The following PMS1 variants were observed in gnomAD, a reference collection of about 807,000 sequenced individuals.
PMS1 encodes PMS1 protein homolog 1.
PMS1 carries 79 observed loss-of-function variants against 93.1 expected under a neutral mutation model. The observed-to-expected ratio is 0.85, with a 90% CI of 0.71 to 1.02. The LOEUF is 1.02. Among genes scored for constraint, PMS1 ranks in the 50% least tolerant of loss-of-function variants. PMS1 has a pLI of 0.00. For synonymous variants in PMS1, 335 were observed against 363.4 expected (o/e 0.92, Z 0.89); for missense variants, 1,064 against 1,085.3 (o/e 0.98, Z 0.28).
intron 1 of PMS1, among the ~76,000 whole-genome samples, chr2:189,786,079 C>T (rs948751944): frequency 1.3e-5 from 2 of 151,952 alleles, no homozygotes; most frequent in African/African-American, 4.8e-5. Flanking sequence ...GAGCCAAAAT[C>T]GCTGCACTCT....
intron 5 of PMS1, among the ~76,000 whole-genome samples, chr2:189,833,313 G>C (rs138725421): frequency 2.6e-4 from 39 of 152,256 alleles, no homozygotes; most frequent in African/African-American, 8.9e-4. Context: ...TTTATGGCCG[G>C]GTGCAGTGGC....
In PMS1 at chr2:189,852,761, A is replaced by G; in HGVS notation, c.806A>G (p.Gln269Arg). 6.3e-7 allele frequency: 1 copy of G among 1,588,220 alleles called. No homozygotes were observed. Among genetic ancestry groups the G allele is most frequent in the Non-Finnish European group, 8.6e-7 (1 of 1,156,722 alleles). Reference sequence around the variant, plus strand: ...TTCATAAACAGTCGACCAGTACATCAAAAAGATATCTTAAAGGTAGTATGC... The same window carrying G: ...TTCATAAACAGTCGACCAGTACATCGAAAAGATATCTTAAAGGTAGTATGC... ...FIFINSRPVH[Q>R]KDILKLIRHH... is the part of the protein sequence containing the mutation. The change falls in exon 7 of 13, where the codon CAA (glutamine) becomes CGA (arginine). Residue 269 changes from glutamine (Q) to arginine (R), a missense_variant. By Grantham distance (43) the Gln-to-Arg change is conservative. Coordinates refer to ENST00000441310, the MANE Select transcript of PMS1 (RefSeq NM_000534.5).
chr2:189,806,451 G>A (rs2050353542), intron 4 of PMS1: 2 of 311,824 alleles, frequency 6.4e-6, no homozygotes, highest in South Asian at 3.2e-5. Flanking sequence ...AGGCTGGACT[G>A]CAGTGGCATC....
At chr2:189,837,188 A>AG (rs1167838437) in intron 5 of PMS1, among the ~76,000 whole-genome samples, 3 of 146,072 alleles carry the variant, frequency 2.1e-5, no homozygotes, top group Non-Finnish European at 4.5e-5. Flanking sequence ...CTTTTTAGGG[A>AG]GGGGGTCTTG....
rs1324921247 is a variant in PMS1 at position 189,852,732 on chromosome 2, C to T, written c.777C>T (p.Phe259=). 3 of 1,592,764 alleles carry T rather than the reference C, an allele frequency of 1.9e-6. No homozygotes were observed. In the African/African-American group the frequency reaches 4.0e-5, roughly 21 times the overall value. Reference sequence around the variant, plus strand: ...GTCTTTCAACACCAGAAAGAAGTTTCATCTTCATAAACAGTCGACCAGTAC... The same window carrying T: ...GTCTTTCAACACCAGAAAGAAGTTTTATCTTCATAAACAGTCGACCAGTAC... ...FTSLSTPERS[F]IFINSRPVHQ... is the part of the protein sequence containing the mutation. Residue 259 remains phenylalanine, a synonymous_variant, in exon 7 of 13, where the codon TTC becomes TTT. Transcript: ENST00000441310.
intron 3 of PMS1, among the ~76,000 whole-genome samples, chr2:189,799,600 A>C (rs1179527848): frequency 6.6e-6 from 1 of 152,222 alleles, no homozygotes; most frequent in Non-Finnish European, 1.5e-5. Flanking sequence ...GTACCTGAAA[A>C]CTAAAGGAAA....
At position 189,854,229 on chromosome 2, in the gene PMS1, G is replaced by A; in HGVS notation, c.967-10G>A. 2 of 1,570,734 alleles carry A rather than the reference G, an allele frequency of 1.3e-6. No homozygotes were observed. The highest frequency in any genetic ancestry group is 1.7e-6 in the Non-Finnish European group (2 of 1,154,436). ...AATTTCCCCTAACATTTGTTAATTT[G>A]TATTTTTAGGAATCTGTTTTAATTG... On this transcript the variant is annotated splice_polypyrimidine_tract_variant and intron_variant, in intron 8 of 12. Transcript: ENST00000441310.
chr2:189,827,501 A>G (rs73042330), intron 5 of PMS1, among the ~76,000 whole-genome samples: 7,156 of 152,324 alleles, frequency 0.047, 271 homozygotes, highest in African/African-American at 0.099. Flanking sequence ...GAGTTCATAT[A>G]TGAAATCATA....
At chr2:189,831,520 A>G (rs945819094) in intron 5 of PMS1, among the ~76,000 whole-genome samples, 5 of 152,228 alleles carry the variant, frequency 3.3e-5, no homozygotes, top group African/African-American at 9.6e-5. Flanking sequence ...AAAGGTTTGA[A>G]GATAACTGAT....
At chr2:189,855,444 T>C (rs2055212637) in intron 9 of PMS1, among the ~76,000 whole-genome samples, 1 of 151,956 alleles carries the variant, frequency 6.6e-6, no homozygotes, top group Non-Finnish European at 1.5e-5. Context: ...TTCTATTTTT[T>C]TTTTGTTTTA....
chr2:189,799,426 G>T (rs2049675825), intron 3 of PMS1, among the ~76,000 whole-genome samples: 1 of 152,066 alleles, frequency 6.6e-6, no homozygotes, highest in Non-Finnish European at 1.5e-5. Flanking sequence ...AACCCCAGAA[G>T]GTTCCCTCAT....
chr2:189,823,330 T>A (rs558385524), intron 5 of PMS1, among the ~76,000 whole-genome samples: 57 of 152,166 alleles, frequency 3.7e-4, no homozygotes, highest in Non-Finnish European at 5.6e-4. Context: ...TGTGCAAGTT[T>A]GTTACATATG....
intron 4 of PMS1, among the ~76,000 whole-genome samples, chr2:189,813,087 A>G (rs554056577): frequency 6.6e-6 from 1 of 152,346 alleles, no homozygotes; most frequent in African/African-American, 2.4e-5. Flanking sequence ...TTCAACTACT[A>G]GGGTTTGAGG....
At chr2:189,818,217 A>G (rs200431125) in intron 5 of PMS1, 37 bp downstream of exon 5, 28 of 1,327,068 alleles carry the variant, frequency 2.1e-5, no homozygotes, top group South Asian at 1.8e-4. Flanking sequence ...TTCTGGGTAT[A>G]TGATATAATA....
rs372649057 is a variant in PMS1 at position 189,867,943 on chromosome 2, G to T, written c.2473+14G>T. On this transcript the variant is annotated intron_variant, in intron 11 of 12. Coordinates refer to ENST00000441310, the MANE Select transcript of PMS1 (RefSeq NM_000534.5). ...AATTGATACCAGGTATGATAGTGTG[G>T]TTTAATATTTTCTGATGTGGAAAAA... 1 of 1,602,924 alleles carries T rather than the reference G, an allele frequency of 6.2e-7. No individual in the cohort carries two copies.
In PMS1 at chr2:189,877,525, G is replaced by C. The variant is rs1372198667; in HGVS notation, c.*89G>C. 3 of 824,164 alleles carry C rather than the reference G, an allele frequency of 3.6e-6. No homozygotes were observed. The highest frequency in any genetic ancestry group is 2.4e-5 in the Admixed American group (1 of 41,668). The allele number at this position is 824,164 out of a possible 1,614,324, so 51.1% of individuals were successfully genotyped here. On this transcript the variant is annotated 3_prime_UTR_variant, in exon 13 of 13. Transcript: ENST00000441310. The stretch of plus-strand genomic sequence containing the variant: ...TGGTTTTAAATTATCTTTGTATTAT[G>C]TGTCACATGGTTATTTTTTAAATGA...
chr2:189,826,626 GTC>G (rs1420546665), intron 5 of PMS1, among the ~76,000 whole-genome samples: 8 of 152,228 alleles, frequency 5.3e-5, no homozygotes, highest in Admixed American at 5.2e-4. Context: ...ACTATTAGGA[GTC>G]TCTGAAGTCT....
intron 5 of PMS1, among the ~76,000 whole-genome samples, chr2:189,824,845 T>C (rs1031945167): frequency 2.0e-5 from 3 of 152,146 alleles, no homozygotes; most frequent in Non-Finnish European, 4.4e-5. Flanking sequence ...TGTTAAAATA[T>C]ATTGTTAAAC....
At chr2:189,867,103 A>G (rs1317372528) in intron 10 of PMS1, among the ~76,000 whole-genome samples, 1 of 152,248 alleles carries the variant, frequency 6.6e-6, no homozygotes, top group Non-Finnish European at 1.5e-5. Flanking sequence ...AATATCTGCC[A>G]CAAGGTAGGC....
Sources: allele counts gnomAD v4.1 joint callset (sites outside exome capture counted in the v4.1 genomes callset), GRCh38; gene constraint gnomAD v4.1.1; transcripts MANE v1.5; gene names NCBI Gene and HGNC (gene_info 2026-07-23, HGNC 2026-07-21).